Variants in FAIM observed in about 807,000 individuals in gnomAD.
FAIM encodes the protein Fas apoptotic inhibitory molecule, also known as fas apoptotic inhibitory molecule 1.
FAIM carries 14 observed loss-of-function variants against 21.2 expected under a neutral mutation model. The ratio of observed to expected loss-of-function variants is 0.66; its 90% CI spans 0.44 to 1.03. FAIM has a LOEUF of 1.03. FAIM is among the 50% of genes least tolerant of loss of function. The probability of loss-of-function intolerance (pLI) is 0.00; values close to 1 mark genes in which losing one functional copy is unlikely to be tolerated. For missense variants in FAIM, 222 were observed against 247.1 expected (o/e 0.90, Z 0.68); for synonymous variants, 86 against 80.4 (o/e 1.07, Z -0.37).
At chr3:138,626,402 C>A (rs2042939299) in intron 4 of FAIM, among the ~76,000 whole-genome samples, 1 of 152,212 alleles carries the variant, frequency 6.6e-6, no homozygotes, top group African/African-American at 2.4e-5. Context: ...TTTTTAGTGT[C>A]ACTCTAGTGT....
chr3:138,631,852 T>C (rs1393302598), intron 5 of FAIM, among the ~76,000 whole-genome samples: 1 of 152,082 alleles, frequency 6.6e-6, no homozygotes, highest in Non-Finnish European at 1.5e-5. Flanking sequence ...GTATTCAGCA[T>C]ACCTCCCATA....
At chr3:138,612,096 A>ATTTTT (rs138371254) in intron 1 of FAIM, among the ~76,000 whole-genome samples, 4 of 100,808 alleles carry the variant, frequency 4.0e-5, no homozygotes, top group African/African-American at 1.2e-4. Context: ...TTGTCTGGCT[A>ATTTTT]TTTTTTTTTT....
At chr3:138,619,854 C>A in intron 2 of FAIM, 84 bp downstream of exon 2, 1 of 1,309,602 alleles carries the variant, frequency 7.6e-7, no homozygotes, top group Non-Finnish European at 1.1e-6. Flanking sequence ...CCAAGATACT[C>A]TGTTAAGAAT....
intron 2 of FAIM, 29 bp downstream of exon 2, chr3:138,619,799 C>G (rs2108344116): frequency 6.4e-7 from 1 of 1,570,720 alleles, no homozygotes; most frequent in Non-Finnish European, 8.7e-7. Flanking sequence ...AGTAAACTAG[C>G]CTTTGACATT....
At position 138,633,240 on chromosome 3, in the gene FAIM, T is replaced by C; in HGVS notation, c.*161T>C. The C allele has an allele frequency of 2.1e-6, 1 of 484,602 alleles. No homozygotes were observed. The highest frequency in any genetic ancestry group is 3.6e-5 in the East Asian group (1 of 27,982). 30.0% of individuals were successfully genotyped at this position (484,602 alleles called of 1,614,324 possible). A position where few individuals can be genotyped will look rare whatever the true frequency, so the allele number is the denominator to read the frequency against. Reference sequence around the variant, plus strand: ...CAAGGGTCAGGAAAAAAACCAATTATGTATAGTCATAAAAATTACAATTTA... The same window carrying C: ...CAAGGGTCAGGAAAAAAACCAATTACGTATAGTCATAAAAATTACAATTTA... On this transcript the variant is annotated 3_prime_UTR_variant, in exon 6 of 6. Coordinates refer to ENST00000360570, the MANE Select transcript of FAIM (RefSeq NM_001033031.2).
intron 1 of FAIM, among the ~76,000 whole-genome samples, chr3:138,609,605 TCTCTCTCGA>T (rs1193600312): frequency 2.4e-5 from 2 of 83,970 alleles, no homozygotes; most frequent in Admixed American, 1.5e-4. Flanking sequence ...TCTCTCTCTC[TCTCTCTCGA>T]CTCTCTCTCT....
intron 1 of FAIM, among the ~76,000 whole-genome samples, chr3:138,616,386 G>T (rs2042825268): frequency 6.6e-6 from 1 of 152,092 alleles, no homozygotes; most frequent in East Asian, 1.9e-4. Context: ...TGTTGTTGTT[G>T]TTTTTTGCTT....
intron 1 of FAIM, among the ~76,000 whole-genome samples, chr3:138,619,287 A>G (rs963613014): frequency 6.6e-6 from 1 of 152,196 alleles, no homozygotes; most frequent in African/African-American, 2.4e-5. Flanking sequence ...CCCAGAAGAT[A>G]CATTGTGTTT....
Position 138,622,326 on chromosome 3 carries a change from A to G in FAIM, c.316A>G (p.Lys106Glu). The G allele has an allele frequency of 1.2e-6, 2 of 1,613,958 alleles. No individual in the cohort carries two copies. The highest frequency in any genetic ancestry group is 1.7e-6 in the Non-Finnish European group (2 of 1,179,926). The change falls in exon 4 of 6, where the codon AAA becomes GAA. Residue 106 changes from lysine to glutamate, a missense_variant. By Grantham distance (56) the Lys-to-Glu change is moderately conservative. Transcript: ENST00000360570. ...AYEYTLEING[K>E]SLKKYMEDRS... The stretch of plus-strand genomic sequence containing the variant: ...TGAATATACTCTGGAAATTAATGGG[A>G]AAAGTCTCAAGAAGTATATGGAGGA...
rs779247481 is a variant in FAIM at position 138,619,707 on chromosome 3, A to C, written c.-16-4A>C. 7 of 1,612,408 alleles carry C rather than the reference A, an allele frequency of 4.3e-6. No individual in the cohort carries two copies. In the Admixed American group the frequency reaches 1.2e-4, roughly 27 times the overall value. On this transcript the variant is annotated splice_polypyrimidine_tract_variant and splice_region_variant and intron_variant, in intron 1 of 5. Transcript: ENST00000360570. ...TTCTTTCCTGGCTGCTAATTGGATTAAAGACTGTTTTTGCCAACCATGGCA... is the reference window on the plus strand; with the variant it reads ...TTCTTTCCTGGCTGCTAATTGGATTCAAGACTGTTTTTGCCAACCATGGCA...
intron 4 of FAIM, among the ~76,000 whole-genome samples, chr3:138,628,135 C>T (rs185764659): frequency 1.2e-3 from 188 of 152,264 alleles, no homozygotes; most frequent in African/African-American, 2.3e-3. Flanking sequence ...TTAAGTGTGT[C>T]GGGGCAGCAT....
At chr3:138,622,108 T>C in intron 3 of FAIM, 80 bp from the exon 4 acceptor site, 1 of 1,169,222 alleles carries the variant, frequency 8.6e-7, no homozygotes, top group Non-Finnish European at 1.2e-6. Flanking sequence ...GGCATTGCCT[T>C]TGTTCACTTT....
At chr3:138,609,549 T>TCTCCCTCCCTCTC (rs2042734995) in intron 1 of FAIM, among the ~76,000 whole-genome samples, 1 of 61,690 alleles carries the variant, frequency 1.6e-5, no homozygotes, top group African/African-American at 7.6e-5. Context: ...TCTCTCTCTC[T>TCTCCCTCCCTCTC]CTCTCTCTCT....
At chr3:138,628,465 T>TATTTA (rs374171013) in intron 4 of FAIM, among the ~76,000 whole-genome samples, 2 of 149,074 alleles carry the variant, frequency 1.3e-5, no homozygotes, top group Non-Finnish European at 3.0e-5. Flanking sequence ...CATCCTTCTT[T>TATTTA]TTTATTTATT....
chr3:138,620,562 C>T (rs2042873817), intron 2 of FAIM, among the ~76,000 whole-genome samples: 2 of 152,172 alleles, frequency 1.3e-5, no homozygotes, highest in South Asian at 2.1e-4. Context: ...GTGGTGCAAT[C>T]ATGGCTCACT....
chr3:138,609,870 T>G (rs913483080), intron 1 of FAIM, among the ~76,000 whole-genome samples: 1 of 152,098 alleles, frequency 6.6e-6, no homozygotes, highest in Non-Finnish European at 1.5e-5. Flanking sequence ...TAAAACAAGA[T>G]AGAATCCACG....
intron 1 of FAIM, among the ~76,000 whole-genome samples, chr3:138,616,671 A>G (rs560973322): frequency 1.3e-5 from 2 of 152,304 alleles, no homozygotes; most frequent in East Asian, 3.9e-4. Flanking sequence ...AGGAGTAATT[A>G]TAACAGTATT....
At chr3:138,632,215 G>A (rs1249711665) in intron 5 of FAIM, among the ~76,000 whole-genome samples, 3 of 149,824 alleles carry the variant, frequency 2.0e-5, no homozygotes, top group African/African-American at 7.4e-5. Context: ...AAAAATTTTA[G>A]GTGAAGTTAA....
chr3:138,624,642 T>C (rs933050016), intron 4 of FAIM, among the ~76,000 whole-genome samples: 2 of 152,188 alleles, frequency 1.3e-5, no homozygotes, highest in African/African-American at 2.4e-5. Context: ...CATCAAACTT[T>C]GGACTATGCT....
Sources: allele counts gnomAD v4.1 joint callset (sites outside exome capture counted in the v4.1 genomes callset), GRCh38; gene constraint gnomAD v4.1.1; transcripts MANE v1.5; gene names NCBI Gene and HGNC (gene_info 2026-07-23, HGNC 2026-07-21).